Variants in P3H2 observed in about 807,000 individuals in gnomAD.
The protein encoded by P3H2 is prolyl 3-hydroxylase 2.
In P3H2, 80 loss-of-function variants were observed where a neutral mutation model predicts 87.0. The observed-to-expected ratio is 0.92, with a 90% confidence interval of 0.77 to 1.11. P3H2 has a LOEUF of 1.11. Among genes scored for constraint, P3H2 ranks in the 50% least tolerant of loss-of-function variants. The pLI, the probability that P3H2 is intolerant of heterozygous loss-of-function variation, is 0.00. For synonymous variants in P3H2, 367 were observed against 359.3 expected (o/e 1.02, Z -0.24); for missense variants, 1,001 against 923.9 (o/e 1.08, Z -1.08).
chr3:190,016,059 C>T (rs1209047837), intron 1 of P3H2, among the ~76,000 whole-genome samples: 2 of 152,158 alleles, frequency 1.3e-5, no homozygotes, highest in Admixed American at 1.3e-4. Flanking sequence ...CTTTAGCTTG[C>T]TGTTTTGCCT....
intron 1 of P3H2, among the ~76,000 whole-genome samples, chr3:190,019,966 G>A (rs1289883379): frequency 7.6e-6 from 1 of 131,212 alleles, no homozygotes; most frequent in African/African-American, 2.6e-5. Context: ...ATAATGATGA[G>A]AATAAAATTT....
intron 1 of P3H2, among the ~76,000 whole-genome samples, chr3:190,058,931 C>T (rs1726251592): frequency 6.6e-6 from 1 of 152,146 alleles, no homozygotes; most frequent in Admixed American, 6.5e-5. Flanking sequence ...TCTTTCCCTG[C>T]TATCCTTTCA....
chr3:190,106,275 G>A (rs867848946), intron 1 of P3H2, among the ~76,000 whole-genome samples: 4 of 152,146 alleles, frequency 2.6e-5, no homozygotes, highest in Non-Finnish European at 5.9e-5. Context: ...GAACAGCCTC[G>A]AATTTCCATT....
chr3:190,080,124 A>G (rs1163737308), intron 1 of P3H2, among the ~76,000 whole-genome samples: 3 of 152,242 alleles, frequency 2.0e-5, no homozygotes, highest in African/African-American at 7.2e-5. Context: ...CTTGAAAATC[A>G]GTTCAGAGGT....
chr3:189,957,277 C>T lies in P3H2; in HGVS notation c.*635G>A. Reference sequence around the variant, plus strand: ...TGGAGCTCACTTTGGAGAGTCGGAGCTCATGGCCGTTAGCACCTAAGGATG... The same window carrying T: ...TGGAGCTCACTTTGGAGAGTCGGAGTTCATGGCCGTTAGCACCTAAGGATG... On this transcript the variant is annotated 3_prime_UTR_variant, in exon 15 of 15. Coordinates refer to ENST00000319332, the MANE Select transcript of P3H2 (RefSeq NM_018192.4). 1 of 399,554 alleles carries T rather than the reference C, an allele frequency of 2.5e-6. No homozygotes were observed. Among genetic ancestry groups the T allele is most frequent in the East Asian group, 3.6e-5 (1 of 28,052 alleles). The allele number at this position is 399,554 out of a possible 1,614,324, so 24.8% of individuals were successfully genotyped here.
At chr3:189,975,364 C>T (rs376031984) in intron 8 of P3H2, among the ~76,000 whole-genome samples, 28 of 152,166 alleles carry the variant, frequency 1.8e-4, no homozygotes, top group African/African-American at 6.5e-4. Context: ...GAGGGTGATG[C>T]TTTGGGGTCA....
chr3:190,098,779 G>A (rs767028840), intron 1 of P3H2, among the ~76,000 whole-genome samples: 1 of 152,106 alleles, frequency 6.6e-6, no homozygotes, highest in Non-Finnish European at 1.5e-5. Context: ...TTTGATTTAG[G>A]TGTATTTCGC....
chr3:189,987,309 T>C lies in P3H2; in HGVS notation c.1098+218A>G, dbSNP rs562327686. Reference sequence around the variant, plus strand: ...GACCAACATGGAGAAACCCCGTCTCTACTAAAAAAAAAATACAAAATTAGC... The same window carrying C: ...GACCAACATGGAGAAACCCCGTCTCCACTAAAAAAAAAATACAAAATTAGC... On this transcript the variant is annotated intron_variant, in intron 5 of 14. Coordinates refer to ENST00000319332, the MANE Select transcript of P3H2 (RefSeq NM_018192.4). Among the ~76,000 whole-genome samples the C allele has an allele frequency of 3.3e-5, 5 of 150,776 alleles. No individual in the cohort carries two copies. The East Asian group carries it at 5.8e-4, about 18-fold the overall frequency.
intron 10 of P3H2, 42 bp downstream of exon 10, chr3:189,973,867 T>G (rs1160693514): frequency 6.9e-7 from 1 of 1,446,522 alleles, no homozygotes; most frequent in Non-Finnish European, 9.7e-7. Context: ...AGCCTTAGGC[T>G]GACACTAAGG....
chr3:190,024,924 A>T (rs988116208), intron 1 of P3H2, among the ~76,000 whole-genome samples: 1 of 152,224 alleles, frequency 6.6e-6, no homozygotes, highest in African/African-American at 2.4e-5. Flanking sequence ...TAAATGTGGC[A>T]AGTACTTTTG....
rs374236274 is a variant in P3H2, at chr3:189,967,894, G to A, written c.1893+2922C>T. ...TGCTTATATCACAGTACTGTGTGAT[G>A]AATAACATATGTGTGTCATAAATGA... On this transcript the variant is annotated intron_variant, in intron 13 of 14. Transcript: ENST00000319332. 3.5e-3 allele frequency among the ~76,000 whole-genome samples: 532 copies of A among 152,222 alleles called. 4 individuals are homozygous for A. The highest frequency in any genetic ancestry group is 0.018 in the South Asian group (86 of 4,824).
intron 1 of P3H2, among the ~76,000 whole-genome samples, chr3:190,007,014 ATC>A (rs1300911197): frequency 6.6e-6 from 1 of 152,236 alleles, no homozygotes; most frequent in African/African-American, 2.4e-5. Context: ...ATAAAAATAT[ATC>A]TCTCTTATTC....
chr3:190,036,081 C>T (rs1279852774), intron 1 of P3H2, among the ~76,000 whole-genome samples: 2 of 152,130 alleles, frequency 1.3e-5, no homozygotes, highest in African/African-American at 4.8e-5. Flanking sequence ...TTGCCATATT[C>T]AGAATGAAAT....
At chr3:190,044,022 T>A (rs1340091252) in intron 1 of P3H2, among the ~76,000 whole-genome samples, 2 of 152,320 alleles carry the variant, frequency 1.3e-5, no homozygotes, top group East Asian at 3.9e-4. Flanking sequence ...ATAAACACTT[T>A]ACAAAGAAGT....
At chr3:190,007,662 T>A (rs1417881327) in intron 1 of P3H2, among the ~76,000 whole-genome samples, 4 of 151,998 alleles carry the variant, frequency 2.6e-5, no homozygotes, top group South Asian at 2.1e-4. Flanking sequence ...AAAAAATGTT[T>A]ATTTTGATGT....
At chr3:189,974,979 G>T (rs1033050296) in intron 8 of P3H2, among the ~76,000 whole-genome samples, 2 of 152,064 alleles carry the variant, frequency 1.3e-5, no homozygotes, top group Non-Finnish European at 2.9e-5. Flanking sequence ...AAAGTCGACT[G>T]GGCATCTCAT....
intron 1 of P3H2, among the ~76,000 whole-genome samples, chr3:190,057,668 A>C (rs1183018042): frequency 6.6e-6 from 1 of 152,200 alleles, no homozygotes; most frequent in African/African-American, 2.4e-5. Flanking sequence ...CTGCAGAGGG[A>C]AGGCTGAGGC....
At chr3:190,112,183 G>A (rs1172144978) in intron 1 of P3H2, among the ~76,000 whole-genome samples, 5 of 152,196 alleles carry the variant, frequency 3.3e-5, no homozygotes, top group Non-Finnish European at 7.3e-5. Context: ...AGGACTTGGA[G>A]GGAGTCTAGG....
intron 13 of P3H2, chr3:189,969,466 A>G: frequency 2.2e-6 from 2 of 904,278 alleles, no homozygotes; most frequent in South Asian, 2.7e-5. Flanking sequence ...ACACTCCTCT[A>G]GCACAACAAT....
Sources: allele counts gnomAD v4.1 joint callset (sites outside exome capture counted in the v4.1 genomes callset), GRCh38; gene constraint gnomAD v4.1.1; transcripts MANE v1.5; gene names NCBI Gene and HGNC (gene_info 2026-07-23, HGNC 2026-07-21).